THSD7B: variants seen among roughly 807,000 people sequenced by gnomAD.
THSD7B encodes the protein thrombospondin type-1 domain-containing protein 7B.
A neutral mutation model predicts 213.6 loss-of-function variants in THSD7B; 138 were observed. That is an observed-to-expected ratio of 0.65 (90% CI 0.56 to 0.74). The LOEUF (loss-of-function observed/expected upper bound fraction) is 0.74. Among genes scored for constraint, THSD7B ranks in the 30% least tolerant of loss-of-function variants. THSD7B has a pLI of 0.00. For missense variants in THSD7B, 1,931 were observed against 1,991.5 expected (o/e 0.97, Z 0.58); for synonymous variants, 742 against 687.0 (o/e 1.08, Z -1.25).
intron 2 of THSD7B, among the ~76,000 whole-genome samples, chr2:137,052,022 A>G (rs997858388): frequency 2.6e-5 from 4 of 152,188 alleles, no homozygotes; most frequent in African/African-American, 9.7e-5. Flanking sequence ...CATTCACATT[A>G]CAGCATTCAC....
Position 137,311,784 on chromosome 2 carries a change from T to C in THSD7B, c.2500+35758T>C, listed in dbSNP as rs202050089. ...ATAATCATGTGGTTTTTGTCTTTGG[T>C]TCTGTTTATATGCTGGATTACATTT... On this transcript the variant is annotated intron_variant, in intron 12 of 27. Coordinates refer to ENST00000409968, the MANE Select transcript of THSD7B (RefSeq NM_001316349.2). 1.6e-4 allele frequency among the ~76,000 whole-genome samples: 24 copies of C among 150,856 alleles called. No individual in the cohort carries two copies. In the East Asian group the frequency reaches 3.5e-3, roughly 22 times the overall value.
chr2:136,962,510 G>A (rs767577483), intron 2 of THSD7B, among the ~76,000 whole-genome samples: 10 of 148,938 alleles, frequency 6.7e-5, no homozygotes, highest in Admixed American at 1.4e-4. Context: ...TTGGGATGGC[G>A]GTATCCTACT....
At chr2:137,074,778 C>T (rs1687581500) in intron 3 of THSD7B, among the ~76,000 whole-genome samples, 1 of 152,214 alleles carries the variant, frequency 6.6e-6, no homozygotes, top group African/African-American at 2.4e-5. Flanking sequence ...TAGGGCAGGC[C>T]TGGTGGTGAC....
At chr2:137,499,465 T>C (rs115263227) in intron 15 of THSD7B, among the ~76,000 whole-genome samples, 2,955 of 152,318 alleles carry the variant, frequency 0.019, 47 homozygotes, top group Non-Finnish European at 0.028. Flanking sequence ...AATTTTCCCA[T>C]TGCAACATTT....
intron 15 of THSD7B, among the ~76,000 whole-genome samples, chr2:137,553,271 G>T (rs1481771825): frequency 6.6e-6 from 1 of 152,126 alleles, no homozygotes; most frequent in African/African-American, 2.4e-5. Flanking sequence ...CTACAGAAAG[G>T]CAGAAGCTGT....
chr2:137,386,258 C>G (rs1047773268), intron 12 of THSD7B, among the ~76,000 whole-genome samples: 1 of 152,112 alleles, frequency 6.6e-6, no homozygotes, highest in Non-Finnish European at 1.5e-5. Context: ...TCTTGCAGCC[C>G]CCTGAGTGTA....
intron 2 of THSD7B, among the ~76,000 whole-genome samples, chr2:136,914,051 C>T (rs1684311102): frequency 6.6e-6 from 1 of 152,180 alleles, no homozygotes; most frequent in Non-Finnish European, 1.5e-5. Flanking sequence ...GAGGCTGTAC[C>T]CTTTAAAGCC....
chr2:137,283,153 A>G lies in THSD7B; in HGVS notation c.2500+7127A>G, dbSNP rs141269179. Among the ~76,000 whole-genome samples the G allele has an allele frequency of 8.6e-3, 1,305 of 151,960 alleles. 24 individuals carry two copies. The highest frequency in any genetic ancestry group is 0.03 in the African/African-American group (1,253 of 41,424). The stretch of plus-strand genomic sequence containing the variant: ...TGTAAGTTGGATTCCTAGGTATTTT[A>G]TTCTCTTTGAAGCAATTGTGAATGG... On this transcript the variant is annotated intron_variant, in intron 12 of 27. Coordinates refer to ENST00000409968, the MANE Select transcript of THSD7B (RefSeq NM_001316349.2).
chr2:137,553,916 C>G (rs943677985), intron 15 of THSD7B, among the ~76,000 whole-genome samples: 1 of 152,110 alleles, frequency 6.6e-6, no homozygotes, highest in Admixed American at 6.5e-5. Flanking sequence ...CTTGAATGCC[C>G]TGCTGCTTTT....
intron 1 of THSD7B, among the ~76,000 whole-genome samples, chr2:136,780,515 G>A (rs570565784): frequency 1.6e-4 from 24 of 152,262 alleles, no homozygotes; most frequent in African/African-American, 4.8e-4. Context: ...CTCCCATCTC[G>A]TTGAATTTGA....
intron 12 of THSD7B, among the ~76,000 whole-genome samples, chr2:137,377,911 T>C (rs1291290100): frequency 6.6e-6 from 1 of 152,122 alleles, no homozygotes; most frequent in Non-Finnish European, 1.5e-5. Flanking sequence ...AGGCATAAGC[T>C]ACCGCGCCTG....
chr2:137,364,003 G>A (rs1685340184), intron 12 of THSD7B, among the ~76,000 whole-genome samples: 1 of 152,124 alleles, frequency 6.6e-6, no homozygotes, highest in Non-Finnish European at 1.5e-5. Context: ...TAAAATACTG[G>A]GAAACTGAAT....
At chr2:137,282,558 A>G (rs1049907823) in intron 12 of THSD7B, among the ~76,000 whole-genome samples, 9 of 152,106 alleles carry the variant, frequency 5.9e-5, no homozygotes, top group Admixed American at 2.6e-4. Context: ...TAAGTCTTTA[A>G]TCAATCTTGA....
chr2:137,619,773 A>C (rs1682480898), intron 19 of THSD7B, among the ~76,000 whole-genome samples: 1 of 152,226 alleles, frequency 6.6e-6, no homozygotes, highest in Admixed American at 6.5e-5. Flanking sequence ...TCAAATTATT[A>C]ACAAAACTAG....
intron 7 of THSD7B, among the ~76,000 whole-genome samples, chr2:137,217,197 C>T (rs1005781196): frequency 6.6e-6 from 1 of 152,180 alleles, no homozygotes; most frequent in African/African-American, 2.4e-5. Context: ...TCAGATGGTG[C>T]CTTGCAAAGC....
At chr2:137,203,451 A>G (rs1250474662) in intron 7 of THSD7B, among the ~76,000 whole-genome samples, 1 of 152,108 alleles carries the variant, frequency 6.6e-6, no homozygotes, top group Non-Finnish European at 1.5e-5. Flanking sequence ...AATGATAAAT[A>G]CTTTCTAATT....
At chr2:137,650,957 A>G (rs1231714717) in intron 21 of THSD7B, among the ~76,000 whole-genome samples, 1 of 152,122 alleles carries the variant, frequency 6.6e-6, no homozygotes, top group Non-Finnish European at 1.5e-5. Flanking sequence ...TTTTTAATGC[A>G]TTGTTGAATT....
Position 137,061,490 on chromosome 2 carries a change from GTT to G in THSD7B, c.950+4271_950+4272del, listed in dbSNP as rs34594996. 4.2e-5 allele frequency among the ~76,000 whole-genome samples: 6 copies of G among 143,742 alleles called. No individual in the cohort carries two copies. The East Asian group carries it at 6.0e-4, about 14-fold the overall frequency. The allele number at this position is 143,742 out of a possible 152,430, so 94.3% of individuals were successfully genotyped here. A position where few individuals can be genotyped will look rare whatever the true frequency, so the allele number is the denominator to read the frequency against. On this transcript the variant is annotated intron_variant, in intron 3 of 27. Coordinates refer to ENST00000409968, the MANE Select transcript of THSD7B (RefSeq NM_001316349.2). Reference sequence around the variant, plus strand: ...CCATTAAGTGTTTTGTTAGCTATAGGTTTTTTTTTTTTGTAGGTGTTTTGATC... The same window carrying G: ...CCATTAAGTGTTTTGTTAGCTATAGGTTTTTTTTTTGTAGGTGTTTTGATC...
chr2:137,336,073 AGTGT>A lies in THSD7B; in HGVS notation c.2500+60048_2500+60051del, dbSNP rs1684632574. ...TAGAGAAATATGAGGTCATTGATTA[AGTGT>A]TGTTTTCCAGAGACAGAAGAGGGAA... On this transcript the variant is annotated intron_variant, in intron 12 of 27. Transcript: ENST00000409968. Among the ~76,000 whole-genome samples, 7 of 151,402 alleles carry A rather than the reference AGTGT, an allele frequency of 4.6e-5. No individual in the cohort carries two copies. The South Asian group carries it at 1.5e-3, about 32-fold the overall frequency.
Sources: gnomAD v4.1 joint callset for allele counts (sites outside exome capture counted in the v4.1 genomes callset) on GRCh38, gnomAD v4.1.1 for gene constraint, MANE v1.5 for transcripts, NCBI Gene and HGNC (gene_info 2026-07-23, HGNC 2026-07-21) for gene names.